Variants in THSD7B observed in about 807,000 individuals in gnomAD.
THSD7B encodes thrombospondin type 1 domain containing 7B, also known as thrombospondin type-1 domain-containing protein 7B.
In THSD7B, 138 loss-of-function variants were observed where a neutral mutation model predicts 213.6. That is an observed-to-expected ratio of 0.65 (90% CI 0.56 to 0.74). The LOEUF is 0.74. Ranked by LOEUF, THSD7B falls within the 30% of genes least tolerant of loss-of-function variation. THSD7B has a pLI of 0.00. For missense variants in THSD7B, 1,931 were observed against 1,991.5 expected (o/e 0.97, Z 0.58); for synonymous variants, 742 against 687.0 (o/e 1.08, Z -1.25).
chr2:137,186,999 A>G (rs1188439303), intron 7 of THSD7B, among the ~76,000 whole-genome samples: 1 of 152,006 alleles, frequency 6.6e-6, no homozygotes, highest in Non-Finnish European at 1.5e-5. Flanking sequence ...TACAATAGCC[A>G]CAAAAAGAGT....
intron 15 of THSD7B, among the ~76,000 whole-genome samples, chr2:137,560,421 A>G (rs1009431159): frequency 2.0e-5 from 3 of 152,192 alleles, no homozygotes; most frequent in African/African-American, 7.2e-5. Flanking sequence ...AGGGACATGG[A>G]TGAAGCTGGA....
intron 17 of THSD7B, among the ~76,000 whole-genome samples, chr2:137,600,978 A>T (rs1245113274): frequency 6.6e-6 from 1 of 152,200 alleles, no homozygotes; most frequent in Non-Finnish European, 1.5e-5. Context: ...CAACAAAAAA[A>T]GTTTAAATAG....
At chr2:137,485,539 GACGGGGAGAATGGAACCAAGTTGGAAAAC>G (rs1270992827) in intron 15 of THSD7B, among the ~76,000 whole-genome samples, 1 of 152,168 alleles carries the variant, frequency 6.6e-6, no homozygotes, top group African/African-American at 2.4e-5. Context: ...ACCTGAAAGT[GACGGGGAGAATGGAACCAAGTTGGAAAAC>G]ACTCTGCAGG....
Position 137,301,124 on chromosome 2 carries a change from A to G in THSD7B, c.2500+25098A>G, listed in dbSNP as rs548322675. Among the ~76,000 whole-genome samples, 81 of 152,256 alleles carry G rather than the reference A, an allele frequency of 5.3e-4. 2 individuals are homozygous for G. The highest frequency in any genetic ancestry group is 5.3e-3 in the Admixed American group (81 of 15,308). On this transcript the variant is annotated intron_variant, in intron 12 of 27. Coordinates refer to ENST00000409968, the MANE Select transcript of THSD7B (RefSeq NM_001316349.2). ...CCTCCCACTGGCTCTTTAAAACAAA[A>G]TCATTCTACCCAGCACTGCATCACA...
chr2:137,118,387 G>A (rs1048614296), intron 5 of THSD7B, among the ~76,000 whole-genome samples: 5 of 152,110 alleles, frequency 3.3e-5, no homozygotes, highest in African/African-American at 1.2e-4. Context: ...TTCCATGTAT[G>A]GGAATGTGGC....
chr2:137,211,782 G>A (rs1681118679), intron 7 of THSD7B, among the ~76,000 whole-genome samples: 1 of 151,974 alleles, frequency 6.6e-6, no homozygotes, highest in African/African-American at 2.4e-5. Context: ...AATTATGATT[G>A]TTATTTCAAA....
intron 2 of THSD7B, among the ~76,000 whole-genome samples, chr2:136,922,148 C>T (rs2105035750): frequency 6.6e-6 from 1 of 152,330 alleles, no homozygotes; most frequent in South Asian, 2.1e-4. Context: ...GAGTGACTGC[C>T]TAGCATCAGC....
intron 1 of THSD7B, among the ~76,000 whole-genome samples, chr2:136,783,687 C>T (rs1681788156): frequency 6.6e-6 from 1 of 152,244 alleles, no homozygotes; most frequent in Non-Finnish European, 1.5e-5. Flanking sequence ...AGTTGGAAGA[C>T]CATAATCAGA....
chr2:137,627,488 A>G (rs1242053441), intron 20 of THSD7B, among the ~76,000 whole-genome samples: 1 of 152,228 alleles, frequency 6.6e-6, no homozygotes, highest in Non-Finnish European at 1.5e-5. Flanking sequence ...GCAGTTTTCT[A>G]GAAGTCCTGA....
intron 16 of THSD7B, among the ~76,000 whole-genome samples, chr2:137,571,281 T>C (rs1303537075): frequency 6.6e-6 from 1 of 152,232 alleles, no homozygotes; most frequent in African/African-American, 2.4e-5. Flanking sequence ...ATTCTTTCAT[T>C]CATTCTCATC....
chr2:137,480,592 G>A (rs987529182), intron 15 of THSD7B, among the ~76,000 whole-genome samples: 11 of 152,226 alleles, frequency 7.2e-5, no homozygotes, highest in Middle Eastern at 3.4e-3. Context: ...TTACATTGAA[G>A]TTCTATCTTT....
At chr2:137,412,612 A>C (rs1403471074) in intron 14 of THSD7B, among the ~76,000 whole-genome samples, 4 of 123,624 alleles carry the variant, frequency 3.2e-5, no homozygotes, top group South Asian at 2.6e-4. Flanking sequence ...AAAAAAAAAC[A>C]AAAAAAAACA....
rs544006875 is a variant in THSD7B, at chr2:137,125,753, T to G, written c.1369+10460T>G. ...CATTTTCCCAGATCCATCAGATGAA[T>G]TACTGTCTATGGCAGGTGTAGCCTT... On this transcript the variant is annotated intron_variant, in intron 5 of 27. Coordinates refer to ENST00000409968, the MANE Select transcript of THSD7B (RefSeq NM_001316349.2). Among the ~76,000 whole-genome samples, 212 of 152,350 alleles carry G rather than the reference T, an allele frequency of 1.4e-3. 1 individual carries two copies. Among genetic ancestry groups the G allele is most frequent in the Non-Finnish European group, 2.4e-3 (160 of 68,042 alleles).
chr2:137,034,229 T>C (rs1278806424), intron 2 of THSD7B, among the ~76,000 whole-genome samples: 1 of 152,060 alleles, frequency 6.6e-6, no homozygotes, highest in Non-Finnish European at 1.5e-5. Flanking sequence ...ACTAGTTATA[T>C]GTAGAAAGCT....
At chr2:137,318,538 A>T (rs116741794) in intron 12 of THSD7B, among the ~76,000 whole-genome samples, 2,849 of 152,140 alleles carry the variant, frequency 0.019, 49 homozygotes, top group Middle Eastern at 0.092. Flanking sequence ...GCCCCCATCC[A>T]AAAAAAGCAG....
intron 12 of THSD7B, among the ~76,000 whole-genome samples, chr2:137,318,090 C>T (rs1348479027): frequency 2.0e-5 from 3 of 152,258 alleles, no homozygotes; most frequent in Admixed American, 6.5e-5. Flanking sequence ...AACAGAAAAT[C>T]TAACTCAAAT....
At chr2:137,473,988 T>C (rs1296021064) in intron 15 of THSD7B, among the ~76,000 whole-genome samples, 2 of 152,206 alleles carry the variant, frequency 1.3e-5, no homozygotes, top group Non-Finnish European at 2.9e-5. Flanking sequence ...TTAGTCATAA[T>C]AAATTTATTA....
intron 14 of THSD7B, among the ~76,000 whole-genome samples, chr2:137,415,992 A>T (rs902826784): frequency 1.3e-5 from 2 of 152,126 alleles, no homozygotes; most frequent in South Asian, 4.1e-4. Flanking sequence ...ACTTATTAAA[A>T]ATGTCTTTTA....
chr2:137,457,027 T>A (rs1450885566), intron 15 of THSD7B, among the ~76,000 whole-genome samples: 1 of 152,162 alleles, frequency 6.6e-6, no homozygotes, highest in Non-Finnish European at 1.5e-5. Flanking sequence ...GGAGAGGCAA[T>A]TTTTCTTTTT....
Sources: gnomAD v4.1 joint callset for allele counts (sites outside exome capture counted in the v4.1 genomes callset) on GRCh38, gnomAD v4.1.1 for gene constraint, MANE v1.5 for transcripts, NCBI Gene and HGNC (gene_info 2026-07-23, HGNC 2026-07-21) for gene names.